Variants in CASC3 observed in about 807,000 individuals in gnomAD.
The protein encoded by CASC3 is protein CASC3.
In CASC3, 30 loss-of-function variants were observed where a neutral mutation model predicts 80.5. The observed-to-expected ratio is 0.37, with a 90% CI of 0.28 to 0.51. CASC3 has a LOEUF of 0.51. Ranked by LOEUF, CASC3 falls within the 20% of genes least tolerant of loss-of-function variation. The pLI, the probability that CASC3 is intolerant of heterozygous loss-of-function variation, is 0.94. For synonymous variants in CASC3, 312 were observed against 333.6 expected (o/e 0.94, Z 0.70); for missense variants, 824 against 922.2 (o/e 0.89, Z 1.38).
intron 3 of CASC3, among the ~76,000 whole-genome samples, chr17:40,158,809 A>T (rs1989216800): frequency 6.6e-6 from 1 of 152,142 alleles, no homozygotes; most frequent in Admixed American, 6.5e-5. Context: ...TTTTGTAATT[A>T]TGTGATTCTG....
intron 8 of CASC3, 56 bp from the exon 9 acceptor site, chr17:40,167,442 C>T (rs1485499734): frequency 7.8e-7 from 1 of 1,277,952 alleles, no homozygotes; most frequent in East Asian, 2.3e-5. Context: ...GAAGGTAGGA[C>T]TTGATATGAG....
intron 3 of CASC3, among the ~76,000 whole-genome samples, chr17:40,152,265 A>G (rs568819980): frequency 6.6e-6 from 1 of 152,228 alleles, no homozygotes; most frequent in East Asian, 1.9e-4. Context: ...AGCCTCCTCA[A>G]TAGCTGGGAC....
rs369815915 is a variant in CASC3, at chr17:40,164,210, C to A, written c.1471+44C>A. ...GTGGCTAGCTTTTTCCCCTTTGCATCATCAGGTTTAGGGGCATGGGACTTC... is the reference window on the plus strand; with the variant it reads ...GTGGCTAGCTTTTTCCCCTTTGCATAATCAGGTTTAGGGGCATGGGACTTC... On this transcript the variant is annotated intron_variant, in intron 7 of 13. Transcript: ENST00000264645. The A allele has an allele frequency of 6.1e-6, 9 of 1,474,406 alleles. No individual in the cohort carries two copies. In the African/African-American group the frequency reaches 8.4e-5, roughly 14 times the overall value. The allele number at this position is 1,474,406 out of a possible 1,614,324, so 91.3% of individuals were successfully genotyped here.
Position 40,167,962 on chromosome 17 carries a change from C to G in CASC3, c.1750+14C>G. The G allele has an allele frequency of 6.2e-7, 1 of 1,609,270 alleles. No homozygotes were observed. Among genetic ancestry groups the G allele is most frequent in the Non-Finnish European group, 8.5e-7 (1 of 1,175,674 alleles). On this transcript the variant is annotated intron_variant, in intron 10 of 13. Transcript: ENST00000264645. ...TTCCCCACCCAGGTAAGCTTTGTGT[C>G]TCTGCTTATATGCTTCCAGTACCTG...
At chr17:40,157,473 T>C (rs1344168347) in intron 3 of CASC3, among the ~76,000 whole-genome samples, 1 of 152,026 alleles carries the variant, frequency 6.6e-6, no homozygotes, top group African/African-American at 2.4e-5. Context: ...CTCAGGACTT[T>C]GAGACCAGCC....
chr17:40,143,928 A>G (rs1429269732), intron 3 of CASC3, among the ~76,000 whole-genome samples: 2 of 151,964 alleles, frequency 1.3e-5, no homozygotes, highest in Middle Eastern at 3.2e-3. Context: ...TTACCCTTAC[A>G]TGATTATTAC....
At chr17:40,144,582 T>C (rs1339926924) in intron 3 of CASC3, among the ~76,000 whole-genome samples, 2 of 150,972 alleles carry the variant, frequency 1.3e-5, no homozygotes, top group Non-Finnish European at 3.0e-5. Context: ...TGAACTCAGG[T>C]GATCCGTCCG....
rs918973730 is a variant in CASC3 at position 40,161,770 on chromosome 17, C to T, written c.315C>T (p.Tyr105=). ...AEDSEGEEGE[Y]SEEENSKVEL... ...TTTTTCAGGGTGAAGAAGGTGAATACAGTGAAGAGGAAAACTCCAAAGTGG... is the reference window on the plus strand; with the variant it reads ...TTTTTCAGGGTGAAGAAGGTGAATATAGTGAAGAGGAAAACTCCAAAGTGG... Residue 105 remains tyrosine (Y), a synonymous_variant, in exon 4 of 14, where the codon TAC becomes TAT. Coordinates refer to ENST00000264645, the MANE Select transcript of CASC3 (RefSeq NM_007359.5). 26 of 1,613,986 alleles carry T rather than the reference C, an allele frequency of 1.6e-5. No homozygotes were observed. The highest frequency in any genetic ancestry group is 2.1e-5 in the Non-Finnish European group (25 of 1,179,974).
At position 40,171,212 on chromosome 17, in the gene CASC3, C is replaced by CT; in HGVS notation, c.*808dup. ...TACTATGATGGGCTTCTGTTCTCTG[C>CT]TGAGGGCCAATACCCTACTGTGGGG... On this transcript the variant is annotated 3_prime_UTR_variant, in exon 14 of 14. Coordinates refer to ENST00000264645, the MANE Select transcript of CASC3 (RefSeq NM_007359.5). 2.0e-6 allele frequency: 2 copies of CT among 985,972 alleles called. No homozygotes were observed. The highest frequency in any genetic ancestry group is 2.4e-6 in the Non-Finnish European group (2 of 829,948). 61.1% of individuals were successfully genotyped at this position (985,972 alleles called of 1,614,324 possible).
chr17:40,147,128 A>G (rs1271611429), intron 3 of CASC3, among the ~76,000 whole-genome samples: 10 of 152,148 alleles, frequency 6.6e-5, no homozygotes, highest in Admixed American at 6.6e-5. Flanking sequence ...AGTACCACTG[A>G]AGGCTTAAAT....
At chr17:40,169,571 TA>T (rs1370180519) in intron 12 of CASC3, 26 bp from the exon 13 acceptor site, 2 of 1,591,816 alleles carry the variant, frequency 1.3e-6, no homozygotes, top group Non-Finnish European at 1.7e-6. Flanking sequence ...TATGACCTGA[TA>T]ACAAATTCCA....
chr17:40,141,759 G>C (rs751991444), intron 3 of CASC3, 152 bp downstream of exon 3: 8 of 738,288 alleles, frequency 1.1e-5, no homozygotes, highest in Non-Finnish European at 1.9e-5. Flanking sequence ...AGAAGGTCTT[G>C]TTCACTTTAG....
Position 40,169,679 on chromosome 17 carries a change from C to A in CASC3, c.*41+17C>A. ...CATATAAAAGTAAGTGCACAACTTA[C>A]TGTGAATATTGTTAAAACTAATGCT... On this transcript the variant is annotated intron_variant, in intron 13 of 13. Coordinates refer to ENST00000264645, the MANE Select transcript of CASC3 (RefSeq NM_007359.5). The A allele has an allele frequency of 1.7e-6, 2 of 1,201,414 alleles. No individual in the cohort carries two copies. The highest frequency in any genetic ancestry group is 1.4e-5 in the South Asian group (1 of 71,934). 74.4% of individuals were successfully genotyped at this position (1,201,414 alleles called of 1,614,324 possible).
chr17:40,140,968 G>T, intron 1 of CASC3, 189 bp downstream of exon 1: 1 of 640,298 alleles, frequency 1.6e-6, no homozygotes, highest in East Asian at 2.8e-5. Flanking sequence ...AAGGATTGGG[G>T]GTTTCTGGGA....
rs757357660 is a variant in CASC3 at position 40,164,129 on chromosome 17, G to A, written c.1434G>A (p.Pro478=). ...ATATAGCAGAACAGAATTGGAGTCC[G>A]GGGCAGCCTTCTTTCCTGCAACCAC... ...QLNIAEQNWS[P]GQPSFLQPRE... Residue 478 remains proline (P), a synonymous_variant, in exon 7 of 14, where the codon CCG becomes CCA. Transcript: ENST00000264645. 41 of 1,610,548 alleles carry A rather than the reference G, an allele frequency of 2.5e-5. No homozygotes were observed. In the South Asian group the frequency reaches 3.7e-4, roughly 15 times the overall value.
At position 40,140,716 on chromosome 17, in the gene CASC3, C is replaced by T. The variant is rs898959999; in HGVS notation, c.168C>T (p.Thr56=). The T allele has an allele frequency of 9.2e-6, 14 of 1,521,350 alleles. No individual in the cohort carries two copies. Among genetic ancestry groups the T allele is most frequent in the South Asian group, 1.2e-5 (1 of 85,234 alleles). The allele number at this position is 1,521,350 out of a possible 1,614,324, so 94.2% of individuals were successfully genotyped here. ...GSLPSQRGGR[T]GALHLRRVES... is the part of the protein sequence containing the mutation. The stretch of plus-strand genomic sequence containing the variant: ...TGCCTTCACAGCGCGGAGGCCGAAC[C>T]GGGGCCCTTCATCTGCGGCGGGTGG... Residue 56 remains threonine (T), a synonymous_variant, in exon 1 of 14, where the codon ACC becomes ACT. Transcript: ENST00000264645.
rs760418928 is a variant in CASC3 at position 40,161,984 on chromosome 17, C to T, written c.457-18C>T. 1.7e-5 allele frequency: 28 copies of T among 1,612,506 alleles called. No homozygotes were observed. Among genetic ancestry groups the T allele is most frequent in the Admixed American group, 1.5e-4 (9 of 59,658 alleles). ...CTTGAGGCTTGGAAGAGTAAGGATC[C>T]CTTTATCTGTCCTCTAGGAGAGCAC... is the stretch of plus-strand genomic sequence containing the variant. On this transcript the variant is annotated intron_variant, in intron 4 of 13. Transcript: ENST00000264645.
At chr17:40,167,660 G>A (rs1989485459) in intron 9 of CASC3, 48 bp downstream of exon 9, 9 of 1,454,428 alleles carry the variant, frequency 6.2e-6, no homozygotes, top group Non-Finnish European at 8.7e-6. Flanking sequence ...AGGGTGAAGT[G>A]AAGTAAGATA....
intron 8 of CASC3, 72 bp from the exon 9 acceptor site, chr17:40,167,426 C>A: frequency 9.3e-7 from 1 of 1,079,624 alleles, no homozygotes; most frequent in Non-Finnish European, 1.4e-6. Context: ...TTTTCAACAC[C>A]TAAAGGAAGG....
Sources: allele counts gnomAD v4.1 joint callset (sites outside exome capture counted in the v4.1 genomes callset), GRCh38; gene constraint gnomAD v4.1.1; transcripts MANE v1.5; gene names NCBI Gene and HGNC (gene_info 2026-07-23, HGNC 2026-07-21).